FBXW7: variants seen among roughly 807,000 people sequenced by gnomAD.
The protein encoded by FBXW7 is F-box and WD repeat domain containing 7, also known as F-box/WD repeat-containing protein 7.
A neutral mutation model predicts 86.3 loss-of-function variants in FBXW7; 11 were observed. The ratio of observed to expected loss-of-function variants is 0.13; its 90% CI spans 0.08 to 0.21. The LOEUF (loss-of-function observed/expected upper bound fraction) is 0.21, where lower values mean the gene tolerates loss of function less well. Ranked by LOEUF, FBXW7 falls within the 10% of genes least tolerant of loss-of-function variation. The probability of loss-of-function intolerance (pLI) is 1.00; values close to 1 mark genes in which losing one functional copy is unlikely to be tolerated. For synonymous variants in FBXW7, 313 were observed against 297.9 expected (o/e 1.05, Z -0.52); for missense variants, 488 against 847.4 (o/e 0.58, Z 5.27).
intron 2 of FBXW7, among the ~76,000 whole-genome samples, chr4:152,429,970 T>A (rs1308436580): frequency 6.8e-6 from 1 of 146,462 alleles, no homozygotes; most frequent in South Asian, 2.1e-4. Flanking sequence ...TATGGCTTTG[T>A]TGTTGTTGTT....
chr4:152,392,006 G>A (rs1224286878), intron 4 of FBXW7, among the ~76,000 whole-genome samples: 1 of 152,014 alleles, frequency 6.6e-6, no homozygotes, highest in East Asian at 1.9e-4. Context: ...ATAAAGTATT[G>A]TATAAGACAT....
intron 2 of FBXW7, among the ~76,000 whole-genome samples, chr4:152,488,159 C>T (rs1467759025): frequency 6.6e-6 from 1 of 151,934 alleles, no homozygotes; most frequent in Non-Finnish European, 1.5e-5. Context: ...ACTAACTCTA[C>T]AAAATCATCC....
chr4:152,521,285 C>A (rs559905834), intron 2 of FBXW7, among the ~76,000 whole-genome samples: 19 of 152,168 alleles, frequency 1.2e-4, no homozygotes, highest in Admixed American at 1.2e-3. Context: ...TTAATCAGGA[C>A]ACACTTCCTA....
At chr4:152,441,367 C>G (rs560771831) in intron 2 of FBXW7, among the ~76,000 whole-genome samples, 1 of 152,124 alleles carries the variant, frequency 6.6e-6, no homozygotes, top group Admixed American at 6.5e-5. Context: ...ATTAGTCACA[C>G]GCCTCCTGCT....
At chr4:152,339,071 ACTT>A (rs1255667658) in intron 6 of FBXW7, among the ~76,000 whole-genome samples, 3 of 152,162 alleles carry the variant, frequency 2.0e-5, no homozygotes, top group African/African-American at 4.8e-5. Context: ...TCTACAATGA[ACTT>A]CTTCTCTTCT....
chr4:152,351,445 G>T (rs1731805980), intron 4 of FBXW7, among the ~76,000 whole-genome samples: 1 of 151,994 alleles, frequency 6.6e-6, no homozygotes, highest in Admixed American at 6.6e-5. Flanking sequence ...CTTCCCTTTA[G>T]AAGTTTATAT....
At chr4:152,362,604 T>C (rs998473551) in intron 4 of FBXW7, among the ~76,000 whole-genome samples, 22 of 150,568 alleles carry the variant, frequency 1.5e-4, no homozygotes, top group African/African-American at 5.4e-4. Context: ...AGGTCACGAG[T>C]TCAAGATCAA....
At chr4:152,340,129 A>C (rs1346799052) in intron 6 of FBXW7, among the ~76,000 whole-genome samples, 6 of 152,176 alleles carry the variant, frequency 3.9e-5, no homozygotes, top group Non-Finnish European at 5.9e-5. Flanking sequence ...CCTGTATAAC[A>C]AAACATATCT....
At chr4:152,482,579 T>C (rs1241297027) in intron 2 of FBXW7, among the ~76,000 whole-genome samples, 2 of 152,162 alleles carry the variant, frequency 1.3e-5, no homozygotes, top group Admixed American at 1.3e-4. Flanking sequence ...TCTATTTTTC[T>C]AAGACATCTT....
intron 2 of FBXW7, among the ~76,000 whole-genome samples, chr4:152,445,936 A>AC (rs1177235756): frequency 7.6e-6 from 1 of 132,034 alleles, no homozygotes; most frequent in East Asian, 2.2e-4. Flanking sequence ...AAAAAAAAAA[A>AC]AAAAAACCAA....
rs374570399 is a variant in FBXW7, at chr4:152,326,204, A to G, written c.1446T>C (p.Thr482=). 5.6e-6 allele frequency: 9 copies of G among 1,613,146 alleles called. No homozygotes were observed. The highest frequency in any genetic ancestry group is 6.8e-6 in the Non-Finnish European group (8 of 1,179,490). The change falls in exon 12 of 14, where the codon ACT becomes ACC. Residue 482 remains threonine, a synonymous_variant. Transcript: ENST00000281708. ...KRVVSGSRDA[T]LRVWDIETGQ... ...CTGTCTCAATATCCCAAACCCTAAG[A>G]GTGGCATCTCGAGAACCGCTAACAA... is the stretch of plus-strand genomic sequence containing the variant.
intron 2 of FBXW7, among the ~76,000 whole-genome samples, chr4:152,494,139 T>C (rs1319206209): frequency 6.6e-6 from 1 of 150,910 alleles, no homozygotes; most frequent in Admixed American, 6.6e-5. Context: ...AAGTTAAACA[T>C]ACAAAAAAAA....
chr4:152,341,385 C>G (rs979926319), intron 6 of FBXW7, among the ~76,000 whole-genome samples: 2 of 152,190 alleles, frequency 1.3e-5, no homozygotes, highest in Non-Finnish European at 2.9e-5. Flanking sequence ...TACCCACATG[C>G]CTTGCTTCCT....
At chr4:152,468,578 T>C (rs1035086789) in intron 2 of FBXW7, among the ~76,000 whole-genome samples, 1 of 152,088 alleles carries the variant, frequency 6.6e-6, no homozygotes, top group Non-Finnish European at 1.5e-5. Flanking sequence ...AGTGTATTAG[T>C]GGTTGCCTAG....
At chr4:152,454,842 C>A (rs1742270389) in intron 2 of FBXW7, among the ~76,000 whole-genome samples, 1 of 152,060 alleles carries the variant, frequency 6.6e-6, no homozygotes, top group Non-Finnish European at 1.5e-5. Context: ...TAGCCATTAA[C>A]AAGAGCTACC....
chr4:152,365,159 G>A (rs769437354), intron 4 of FBXW7, among the ~76,000 whole-genome samples: 2 of 152,114 alleles, frequency 1.3e-5, no homozygotes, highest in Non-Finnish European at 2.9e-5. Flanking sequence ...TAGGTTCGGA[G>A]CAGGGAGGGA....
At chr4:152,401,437 T>A (rs1042648928) in intron 4 of FBXW7, among the ~76,000 whole-genome samples, 3 of 152,162 alleles carry the variant, frequency 2.0e-5, no homozygotes, top group Non-Finnish European at 4.4e-5. Context: ...GAAGCCAATC[T>A]GAAAGGCTAC....
chr4:152,524,580 C>T (rs950171622), intron 2 of FBXW7, among the ~76,000 whole-genome samples: 8 of 152,080 alleles, frequency 5.3e-5, no homozygotes. Flanking sequence ...CAAGTGGTAA[C>T]ACCTCATGTC....
intron 4 of FBXW7, among the ~76,000 whole-genome samples, chr4:152,351,766 T>C (rs956152602): frequency 6.6e-6 from 1 of 152,122 alleles, no homozygotes; most frequent in Non-Finnish European, 1.5e-5. Context: ...CTTTCAGAAC[T>C]TCCCAGGATA....
Sources: gnomAD v4.1 joint callset for allele counts (sites outside exome capture counted in the v4.1 genomes callset) on GRCh38, gnomAD v4.1.1 for gene constraint, MANE v1.5 for transcripts, NCBI Gene and HGNC (gene_info 2026-07-23, HGNC 2026-07-21) for gene names.